The following LMO3 variants were observed in gnomAD, a reference collection of about 807,000 sequenced individuals.
LMO3 encodes the protein LIM domain only 3.
In LMO3, 2 loss-of-function variants were observed where a neutral mutation model predicts 15.8. That is an observed-to-expected ratio of 0.13 (90% confidence interval 0.05 to 0.40). The LOEUF (loss-of-function observed/expected upper bound fraction) is 0.40. Ranked by LOEUF, LMO3 falls within the 10% of genes least tolerant of loss-of-function variation. The probability of loss-of-function intolerance (pLI) is 0.99; values close to 1 mark genes in which losing one functional copy is unlikely to be tolerated. For synonymous variants in LMO3, 62 were observed against 63.8 expected, an observed-to-expected ratio of 0.97 and a Z score of 0.13; for missense variants, 86 against 182.2, an observed-to-expected ratio of 0.47 and a Z score of 3.04.
rs1438223915 is a variant in LMO3 at position 16,584,202 on chromosome 12, G to A, written c.206+16453C>T. Among the ~76,000 whole-genome samples, 2 of 152,082 alleles carry A rather than the reference G, an allele frequency of 1.3e-5. No individual in the cohort carries two copies. The highest frequency in any genetic ancestry group is 4.8e-5 in the African/African-American group (2 of 41,412). ...ATAATTAGATGTACGAGTTTTGTTG[G>A]AGGATGCATTTTTTAGTAGTGAGTG... On this transcript the variant is annotated intron_variant, in intron 2 of 3. Transcript: ENST00000537304. The surrounding 1 kb of genome is among the most constrained non-coding windows in gnomAD (Gnocchi z 5.2).
Position 16,593,843 on chromosome 12 carries a change from C to A in LMO3, c.206+6812G>T, listed in dbSNP as rs569308498. Among the ~76,000 whole-genome samples, 6 of 151,798 alleles carry A rather than the reference C, an allele frequency of 4.0e-5. No homozygotes were observed. In the East Asian group the frequency reaches 1.2e-3, roughly 29 times the overall value. On this transcript the variant is annotated intron_variant, in intron 2 of 3. Coordinates refer to ENST00000537304, the MANE Select transcript of LMO3 (RefSeq NM_018640.5). This position sits in a 1 kb window ranked among gnomAD's most constrained non-coding sequence, Gnocchi z 4.2. Reference sequence around the variant, plus strand: ...GTATAAACTTCCACTTCAAAATAAGCTTCGTGTAAGCACCTTGAAAAGGGA... The same window carrying A: ...GTATAAACTTCCACTTCAAAATAAGATTCGTGTAAGCACCTTGAAAAGGGA...
chr12:16,564,761 C>T (rs1162872615), intron 2 of LMO3, among the ~76,000 whole-genome samples: 1 of 152,080 alleles, frequency 6.6e-6, no homozygotes, highest in African/African-American at 2.4e-5. Context: ...TCAAGCAATC[C>T]TCATTTAATG....
At chr12:16,565,053 G>T (rs184686448) in intron 2 of LMO3, among the ~76,000 whole-genome samples, 1 of 152,098 alleles carries the variant, frequency 6.6e-6, no homozygotes, top group Non-Finnish European at 1.5e-5. Context: ...GCCTCCCAAA[G>T]TTATCAAATT....
At chr12:16,564,940 C>T (rs759134952) in intron 2 of LMO3, among the ~76,000 whole-genome samples, 2 of 152,040 alleles carry the variant, frequency 1.3e-5, no homozygotes, top group Non-Finnish European at 2.9e-5. Flanking sequence ...TGCATATCAA[C>T]AGACTTGGCT....
At position 16,596,835 on chromosome 12, in the gene LMO3, C is replaced by T. The variant is rs746503959; in HGVS notation, c.206+3820G>A. Among the ~76,000 whole-genome samples the T allele has an allele frequency of 5.3e-5, 8 of 151,612 alleles. No homozygotes were observed. The highest frequency in any genetic ancestry group is 1.0e-4 in the Non-Finnish European group (7 of 67,662). ...ACAGTCATTTTTAATCTACTTTAGA[C>T]AATATCAATTTTAAGCTCCAACTTA... On this transcript the variant is annotated intron_variant, in intron 2 of 3. Transcript: ENST00000537304. The surrounding 1 kb of genome is among the most constrained non-coding windows in gnomAD (Gnocchi z 4.3).
At chr12:16,594,933 A>G (rs1943602766) in intron 2 of LMO3, among the ~76,000 whole-genome samples, 1 of 151,576 alleles carries the variant, frequency 6.6e-6, no homozygotes, top group Non-Finnish European at 1.5e-5. Context: ...ACTTTGATAT[A>G]GTCTAAGAGC....
chr12:16,601,531 G>T (rs183275647), intron 1 of LMO3, among the ~76,000 whole-genome samples: 33 of 152,168 alleles, frequency 2.2e-4, no homozygotes, highest in African/African-American at 7.9e-4. Flanking sequence ...GCATCAGTCA[G>T]CACCTATATT....
At chr12:16,578,996 A>G (rs1269023609) in intron 2 of LMO3, among the ~76,000 whole-genome samples, 1 of 152,204 alleles carries the variant, frequency 6.6e-6, no homozygotes, top group Non-Finnish European at 1.5e-5. Context: ...AAGGTCTAGT[A>G]TATTACATTT....
intron 2 of LMO3, among the ~76,000 whole-genome samples, chr12:16,588,059 CTT>C (rs982029414): frequency 6.6e-6 from 1 of 152,048 alleles, no homozygotes; most frequent in African/African-American, 2.4e-5. Flanking sequence ...TCACAAGTAT[CTT>C]TATCAAACAA....
intron 2 of LMO3, among the ~76,000 whole-genome samples, chr12:16,590,746 T>G (rs746006089): frequency 3.3e-5 from 5 of 152,094 alleles, no homozygotes; most frequent in Admixed American, 6.6e-5. Flanking sequence ...TACTATGATG[T>G]ATAGATATTC....
At position 16,599,263 on chromosome 12, in the gene LMO3, C is replaced by T. The variant is rs1361351038; in HGVS notation, c.206+1392G>A. 6.6e-6 allele frequency: 1 copy of T among 152,258 alleles called. No homozygotes were observed. The allele number at this position is 152,258 out of a possible 1,614,324, so 9.4% of individuals were successfully genotyped here. ...AGAGAGTGACTTCTCATTGTTGGCA[C>T]CTTGCATGTGTTTTACGCACTTGGA... On this transcript the variant is annotated intron_variant, in intron 2 of 3. Coordinates refer to ENST00000537304, the MANE Select transcript of LMO3 (RefSeq NM_018640.5). The surrounding 1 kb of genome is among the most constrained non-coding windows in gnomAD (Gnocchi z 4.1).
Position 16,560,546 on chromosome 12 carries a change from A to T in LMO3, c.207-8T>A, listed in dbSNP as rs372187914. On this transcript the variant is annotated splice_polypyrimidine_tract_variant and splice_region_variant and intron_variant, in intron 2 of 3. Transcript: ENST00000537304. This position sits in a 1 kb window ranked among gnomAD's most constrained non-coding sequence, Gnocchi z 5.0. ...CCCGTTACACCAAAGAGCCTAGAAT[A>T]AGAAACATTTTTTTTTTTTTACAAA... The T allele has an allele frequency of 8.8e-6, 14 of 1,585,134 alleles. No individual in the cohort carries two copies. Among genetic ancestry groups the T allele is most frequent in the African/African-American group, 1.5e-5 (1 of 67,452 alleles).
chr12:16,553,547 G>A (rs1246636606), intron 3 of LMO3, among the ~76,000 whole-genome samples: 1 of 152,074 alleles, frequency 6.6e-6, no homozygotes. Context: ...GTTATCAACT[G>A]GATAAAGTGC....
At chr12:16,574,661 T>G (rs1201589235) in intron 2 of LMO3, among the ~76,000 whole-genome samples, 1 of 152,222 alleles carries the variant, frequency 6.6e-6, no homozygotes, top group African/African-American at 2.4e-5. Context: ...TTCCTATCTG[T>G]GCTCTGTTAA....
chr12:16,600,534 G>A, intron 2 of LMO3, 121 bp downstream of exon 2: 1 of 802,636 alleles, frequency 1.2e-6, no homozygotes, highest in South Asian at 1.7e-5. Flanking sequence ...AGGCTGACAG[G>A]TAACTTCTTT....
intron 2 of LMO3, among the ~76,000 whole-genome samples, chr12:16,588,782 T>A (rs1200520932): frequency 1.3e-5 from 2 of 152,112 alleles, no homozygotes; most frequent in African/African-American, 4.8e-5. Flanking sequence ...TAGTAGCCTT[T>A]CATATTCTTC....
intron 3 of LMO3, among the ~76,000 whole-genome samples, chr12:16,558,370 T>G (rs1029870199): frequency 6.6e-6 from 1 of 152,098 alleles, no homozygotes; most frequent in East Asian, 1.9e-4. Flanking sequence ...GCAATGACTT[T>G]ATGATTCCAT....
At position 16,591,393 on chromosome 12, in the gene LMO3, A is replaced by G. The variant is rs1214314958; in HGVS notation, c.206+9262T>C. Among the ~76,000 whole-genome samples the G allele has an allele frequency of 2.0e-5, 3 of 151,962 alleles. No homozygotes were observed. The highest frequency in any genetic ancestry group is 6.6e-5 in the Admixed American group (1 of 15,228). On this transcript the variant is annotated intron_variant, in intron 2 of 3. Coordinates refer to ENST00000537304, the MANE Select transcript of LMO3 (RefSeq NM_018640.5). The surrounding 1 kb of genome is among the most constrained non-coding windows in gnomAD (Gnocchi z 4.1). ...TGTCTGCACCCCCTCCACACAAACC[A>G]AAATTCTACAAACCTCTTGTACTGC...
chr12:16,593,323 A>G lies in LMO3; in HGVS notation c.206+7332T>C, dbSNP rs1380380326. ...GAGAGTTTTAATATTAAATTGAATC[A>G]TAACAACACATGCTGATTAGAGTCT... On this transcript the variant is annotated intron_variant, in intron 2 of 3. Transcript: ENST00000537304. The surrounding 1 kb of genome is among the most constrained non-coding windows in gnomAD (Gnocchi z 4.2). 6.6e-6 allele frequency among the ~76,000 whole-genome samples: 1 copy of G among 151,794 alleles called. No individual in the cohort carries two copies. The highest frequency in any genetic ancestry group is 1.5e-5 in the Non-Finnish European group (1 of 67,778).
Sources: allele counts gnomAD v4.1 joint callset (sites outside exome capture counted in the v4.1 genomes callset), GRCh38; gene constraint gnomAD v4.1.1; non-coding constraint Gnocchi (gnomAD v3.1); transcripts MANE v1.5; gene names NCBI Gene and HGNC (gene_info 2026-07-23, HGNC 2026-07-21).